The following NDUFAF2 variants were observed in gnomAD, a reference collection of about 807,000 sequenced individuals.
The protein encoded by NDUFAF2 is NADH dehydrogenase [ubiquinone] 1 alpha subcomplex assembly factor 2.
A neutral mutation model predicts 22.8 loss-of-function variants in NDUFAF2; 13 were observed. That is an observed-to-expected ratio of 0.57 (90% CI 0.37 to 0.91). NDUFAF2 has a LOEUF of 0.91. NDUFAF2 is among the 40% of genes least tolerant of loss of function. The pLI is 0.01. For synonymous variants in NDUFAF2, 53 were observed against 64.2 expected (o/e 0.83, Z 0.84); for missense variants, 162 against 195.2 (o/e 0.83, Z 1.01).
At chr5:60,949,995 A>G (rs1453006025) in intron 1 of NDUFAF2, among the ~76,000 whole-genome samples, 1 of 152,114 alleles carries the variant, frequency 6.6e-6, no homozygotes, top group Non-Finnish European at 1.5e-5. Context: ...TCCTTTGGAC[A>G]TTCTCTGTAG....
At chr5:61,069,679 A>C (rs974731568) in intron 1 of NDUFAF2, among the ~76,000 whole-genome samples, 1 of 152,118 alleles carries the variant, frequency 6.6e-6, no homozygotes, top group Non-Finnish European at 1.5e-5. Flanking sequence ...CAGGGTGCTC[A>C]TACACTGTCC....
At chr5:61,048,038 C>T (rs1467106698) in intron 1 of NDUFAF2, among the ~76,000 whole-genome samples, 1 of 152,136 alleles carries the variant, frequency 6.6e-6, no homozygotes. Context: ...TTTCGCATTT[C>T]CCTCTCACAA....
At position 61,073,197 on chromosome 5, in the gene NDUFAF2, T is replaced by G. The variant is rs1752323641; in HGVS notation, c.200T>G (p.Ile67Ser). 6.8e-6 allele frequency: 11 copies of G among 1,612,108 alleles called. No individual in the cohort carries two copies. Among genetic ancestry groups the G allele is most frequent in the Non-Finnish European group, 9.3e-6 (11 of 1,178,338 alleles). Residue 67 changes from isoleucine (I) to serine (S), a missense_variant, in exon 2 of 4, where the codon ATT (isoleucine) becomes AGT (serine). By Grantham distance (142) the Ile-to-Ser change is moderately radical (BLOSUM62 -2). Transcript: ENST00000296597. The part of the protein sequence containing the change: ...KKEVDYEAGD[I>S]PTEWEAWIRR... ...GAAGTAGACTATGAAGCAGGGGATA[T>G]TCCAACAGAATGGGAAGGTAAGTTT...
chr5:61,115,144 TTC>T, intron 3 of NDUFAF2: 1 of 152,604 alleles, frequency 6.6e-6, no homozygotes, highest in Non-Finnish European at 1.5e-5. Flanking sequence ...CTTCCCACTC[TTC>T]TCTCCCCTTT....
intron 3 of NDUFAF2, chr5:61,115,176 C>A (rs1752895849): frequency 6.6e-6 from 1 of 152,522 alleles, no homozygotes; most frequent in Non-Finnish European, 1.5e-5. Flanking sequence ...AAGGAGTTCT[C>A]CCCATGGCCA....
intron 3 of NDUFAF2, among the ~76,000 whole-genome samples, chr5:61,125,783 T>G (rs1366283165): frequency 2.6e-5 from 4 of 152,094 alleles, no homozygotes; most frequent in Non-Finnish European, 4.4e-5. Flanking sequence ...TAGAAATGAC[T>G]GCTTTTATTT....
chr5:61,098,861 G>A, intron 2 of NDUFAF2, 131 bp from the exon 3 acceptor site: 1 of 582,670 alleles, frequency 1.7e-6, no homozygotes, highest in Middle Eastern at 4.0e-4. Flanking sequence ...GACTTAATCT[G>A]TTTTATTCCC....
At chr5:61,134,696 A>G (rs1331129140) in intron 3 of NDUFAF2, among the ~76,000 whole-genome samples, 1 of 152,096 alleles carries the variant, frequency 6.6e-6, no homozygotes, top group Non-Finnish European at 1.5e-5. Flanking sequence ...AAAAAACAAA[A>G]ACAAAAATTA....
At chr5:61,023,432 A>G (rs976618489) in intron 1 of NDUFAF2, among the ~76,000 whole-genome samples, 2 of 152,056 alleles carry the variant, frequency 1.3e-5, no homozygotes, top group African/African-American at 4.8e-5. Context: ...TACATCAGCT[A>G]AAGCTTTCTC....
chr5:61,025,886 A>G (rs1325751793), intron 1 of NDUFAF2, among the ~76,000 whole-genome samples: 1 of 152,038 alleles, frequency 6.6e-6, no homozygotes, highest in Non-Finnish European at 1.5e-5. Context: ...AATGGTTTTT[A>G]TATGCTCATT....
At chr5:61,016,649 C>T (rs1241949115) in intron 1 of NDUFAF2, among the ~76,000 whole-genome samples, 7 of 152,084 alleles carry the variant, frequency 4.6e-5, no homozygotes, top group African/African-American at 7.2e-5. Flanking sequence ...TGCTGTCCTC[C>T]GCTATTGTGG....
chr5:60,973,204 G>T (rs1307275224), intron 1 of NDUFAF2, among the ~76,000 whole-genome samples: 2 of 152,140 alleles, frequency 1.3e-5, no homozygotes, highest in Non-Finnish European at 2.9e-5. Context: ...CACTTGGTTG[G>T]ATGCAGCTTA....
intron 3 of NDUFAF2, among the ~76,000 whole-genome samples, chr5:61,113,132 T>C (rs1011849455): frequency 3.9e-5 from 6 of 152,184 alleles, no homozygotes; most frequent in African/African-American, 1.4e-4. Context: ...GTTATTATTT[T>C]TGATCAGTTC....
intron 1 of NDUFAF2, among the ~76,000 whole-genome samples, chr5:60,996,716 G>C (rs1751233323): frequency 6.6e-6 from 1 of 152,180 alleles, no homozygotes; most frequent in Non-Finnish European, 1.5e-5. Context: ...AAACTGCTGG[G>C]ATTAGTGATT....
intron 3 of NDUFAF2, among the ~76,000 whole-genome samples, chr5:61,124,458 T>A (rs1200179342): frequency 6.6e-6 from 1 of 152,068 alleles, no homozygotes; most frequent in African/African-American, 2.4e-5. Flanking sequence ...CTCATGATGG[T>A]TCTCAAATTT....
At chr5:61,085,293 C>G (rs1161796102) in intron 2 of NDUFAF2, among the ~76,000 whole-genome samples, 7 of 152,084 alleles carry the variant, frequency 4.6e-5, no homozygotes, top group African/African-American at 1.7e-4. Context: ...GGAGAAAAAT[C>G]ATGAGTTAAT....
chr5:61,065,547 C>A (rs1467688218), intron 1 of NDUFAF2, among the ~76,000 whole-genome samples: 1 of 152,020 alleles, frequency 6.6e-6, no homozygotes, highest in Non-Finnish European at 1.5e-5. Context: ...GTTTAACATA[C>A]ACAAATCAAT....
intron 3 of NDUFAF2, among the ~76,000 whole-genome samples, chr5:61,124,457 G>C (rs978036839): frequency 9.2e-5 from 14 of 151,810 alleles, no homozygotes; most frequent in African/African-American, 3.4e-4. Flanking sequence ...TCTCATGATG[G>C]TTCTCAAATT....
At chr5:60,962,448 T>A (rs74333463) in intron 1 of NDUFAF2, among the ~76,000 whole-genome samples, 2,004 of 152,326 alleles carry the variant, frequency 0.013, 49 homozygotes, top group African/African-American at 0.046. Flanking sequence ...GTAATAATTT[T>A]CTCATGAAGC....
Sources: allele counts gnomAD v4.1 joint callset (sites outside exome capture counted in the v4.1 genomes callset), GRCh38; gene constraint gnomAD v4.1.1; transcripts MANE v1.5; gene names NCBI Gene and HGNC (gene_info 2026-07-23, HGNC 2026-07-21).